Variants in DOCK1 observed in about 807,000 individuals in gnomAD.
DOCK1 encodes dedicator of cytokinesis 1, also known as dedicator of cytokinesis protein 1.
In DOCK1, 138 loss-of-function variants were observed where a neutral mutation model predicts 262.7. That is an observed-to-expected ratio of 0.53 (90% CI 0.46 to 0.61). The LOEUF (loss-of-function observed/expected upper bound fraction) is 0.61, where lower values mean the gene tolerates loss of function less well. Among genes scored for constraint, DOCK1 ranks in the 20% least tolerant of loss-of-function variants. The pLI, the probability that DOCK1 is intolerant of heterozygous loss-of-function variation, is 0.00. For synonymous variants in DOCK1, 866 were observed against 867.4 expected (o/e 1.00, Z 0.03); for missense variants, 1,908 against 2,370.7 (o/e 0.80, Z 4.05).
At chr10:127,058,025 TG>T (rs1365700936) in intron 22 of DOCK1, among the ~76,000 whole-genome samples, 2 of 152,316 alleles carry the variant, frequency 1.3e-5, no homozygotes, top group African/African-American at 4.8e-5. Context: ...ATCAAAAAAG[TG>T]GTTCTCCCTG....
At chr10:127,148,060 T>G (rs79060572) in intron 27 of DOCK1, among the ~76,000 whole-genome samples, 32 of 138,704 alleles carry the variant, frequency 2.3e-4, no homozygotes, top group Non-Finnish European at 3.1e-4. Flanking sequence ...AAAAAAAAAA[T>G]TCCACCTGTC....
At chr10:127,126,988 C>T (rs934428991) in intron 26 of DOCK1, among the ~76,000 whole-genome samples, 2 of 152,150 alleles carry the variant, frequency 1.3e-5, no homozygotes, top group African/African-American at 4.8e-5. Context: ...TCTTGGAGGC[C>T]TTCACCCAAA....
chr10:127,098,764 C>T (rs1009359109), intron 23 of DOCK1, among the ~76,000 whole-genome samples: 13 of 152,166 alleles, frequency 8.5e-5, no homozygotes, highest in East Asian at 7.7e-4. Flanking sequence ...TAAGATTCCA[C>T]GCAGCACCAT....
At chr10:127,086,692 C>T (rs1591968793) in intron 23 of DOCK1, among the ~76,000 whole-genome samples, 2 of 151,962 alleles carry the variant, frequency 1.3e-5, no homozygotes, top group African/African-American at 4.8e-5. Context: ...TAAAAAGTCC[C>T]GTGTCTTAAG....
At chr10:127,212,412 G>A (rs570733819) in intron 27 of DOCK1, among the ~76,000 whole-genome samples, 5 of 152,224 alleles carry the variant, frequency 3.3e-5, no homozygotes, top group African/African-American at 9.6e-5. Context: ...AGCGTCGTGA[G>A]ATCTAATCCA....
At chr10:127,181,180 A>G (rs1161493950) in intron 27 of DOCK1, among the ~76,000 whole-genome samples, 1 of 152,230 alleles carries the variant, frequency 6.6e-6, no homozygotes, top group African/African-American at 2.4e-5. Context: ...GTATGTATAT[A>G]TGCATAGGTA....
intron 1 of DOCK1, among the ~76,000 whole-genome samples, chr10:126,951,384 TG>T (rs2036222016): frequency 6.6e-6 from 1 of 151,758 alleles, no homozygotes; most frequent in African/African-American, 2.4e-5. Context: ...GTGGTAGTAT[TG>T]GTGATGGTAG....
intron 29 of DOCK1, among the ~76,000 whole-genome samples, chr10:127,294,140 C>G (rs1297366623): frequency 1.3e-5 from 2 of 152,208 alleles, no homozygotes; most frequent in Non-Finnish European, 2.9e-5. Context: ...TACTGACCCT[C>G]TCTCTTCCAT....
At chr10:127,274,784 C>A (rs570976476) in intron 29 of DOCK1, among the ~76,000 whole-genome samples, 15 of 151,954 alleles carry the variant, frequency 9.9e-5, no homozygotes, top group Non-Finnish European at 1.3e-4. Context: ...TATTTTTTTT[C>A]CCATTATGAC....
At chr10:127,398,890 C>T (rs892232793) in intron 38 of DOCK1, among the ~76,000 whole-genome samples, 1 of 152,216 alleles carries the variant, frequency 6.6e-6, no homozygotes, top group Non-Finnish European at 1.5e-5. Context: ...AACATCACCT[C>T]ATGGGTAAGA....
intron 27 of DOCK1, among the ~76,000 whole-genome samples, chr10:127,164,364 G>A (rs1324608714): frequency 6.6e-6 from 1 of 151,290 alleles, no homozygotes; most frequent in Admixed American, 6.6e-5. Context: ...TTGTATTTTT[G>A]TAGACACGGG....
chr10:127,274,543 T>C (rs910452797), intron 29 of DOCK1, among the ~76,000 whole-genome samples: 2 of 152,040 alleles, frequency 1.3e-5, no homozygotes, highest in Non-Finnish European at 2.9e-5. Flanking sequence ...AAGGTAGTCA[T>C]TGGGAAGAGG....
chr10:127,158,504 A>G (rs2053293195), intron 27 of DOCK1, among the ~76,000 whole-genome samples: 1 of 152,210 alleles, frequency 6.6e-6, no homozygotes, highest in Non-Finnish European at 1.5e-5. Context: ...TGTATTATAT[A>G]TACATAGGCT....
intron 21 of DOCK1, among the ~76,000 whole-genome samples, chr10:127,050,336 T>C (rs2044635476): frequency 6.6e-6 from 1 of 151,532 alleles, no homozygotes; most frequent in African/African-American, 2.4e-5. Context: ...ATTTCTTAAT[T>C]ATAATAGATT....
At chr10:127,086,649 A>G (rs1373563489) in intron 23 of DOCK1, among the ~76,000 whole-genome samples, 1 of 152,178 alleles carries the variant, frequency 6.6e-6, no homozygotes, top group African/African-American at 2.4e-5. Flanking sequence ...TAAATGGGTG[A>G]TTGTGGCTTG....
intron 41 of DOCK1, 22 bp from the exon 42 acceptor site, chr10:127,409,291 A>G (rs1216861759): frequency 6.2e-7 from 1 of 1,613,602 alleles, no homozygotes; most frequent in Non-Finnish European, 8.5e-7. Context: ...TGCCTTAGTG[A>G]TCCTTAACCC....
intron 27 of DOCK1, among the ~76,000 whole-genome samples, chr10:127,208,541 A>G (rs1189514713): frequency 6.6e-6 from 1 of 152,210 alleles, no homozygotes; most frequent in Non-Finnish European, 1.5e-5. Flanking sequence ...ATGATTATAT[A>G]TTAGCTTAAC....
At chr10:127,128,621 A>T (rs1345656202) in intron 27 of DOCK1, among the ~76,000 whole-genome samples, 1 of 152,020 alleles carries the variant, frequency 6.6e-6, no homozygotes, top group African/African-American at 2.4e-5. Flanking sequence ...CCTCCCACTT[A>T]TGAGTGAGAA....
intron 27 of DOCK1, among the ~76,000 whole-genome samples, chr10:127,212,354 A>AT (rs1449425090): frequency 3.3e-5 from 5 of 152,152 alleles, no homozygotes; most frequent in Non-Finnish European, 4.4e-5. Context: ...GTGAGACTTT[A>AT]TTTTTTGCAC....
Sources: allele counts gnomAD v4.1 joint callset (sites outside exome capture counted in the v4.1 genomes callset), GRCh38; gene constraint gnomAD v4.1.1; transcripts MANE v1.5; gene names NCBI Gene and HGNC (gene_info 2026-07-23, HGNC 2026-07-21).